Variants in ZMYND11 observed in about 807,000 individuals in gnomAD.
ZMYND11 encodes zinc finger MYND domain-containing protein 11.
ZMYND11 carries 9 observed loss-of-function variants against 84.9 expected under a neutral mutation model. The observed-to-expected ratio is 0.11, with a 90% CI of 0.06 to 0.18. The LOEUF is 0.18. ZMYND11 is among the 10% of genes least tolerant of loss of function. The pLI is 1.00. For synonymous variants in ZMYND11, 250 were observed against 244.1 expected (o/e 1.02, Z -0.23); for missense variants, 409 against 761.0 (o/e 0.54, Z 5.44).
At chr10:245,517 A>C (rs141196349) in intron 10 of ZMYND11, among the ~76,000 whole-genome samples, 67 of 152,324 alleles carry the variant, frequency 4.4e-4, no homozygotes, top group African/African-American at 1.6e-3. Flanking sequence ...CAGAAAACTG[A>C]AAAGCATAAA....
At chr10:152,928 C>G (rs1165378706) in intron 1 of ZMYND11, among the ~76,000 whole-genome samples, 1 of 152,234 alleles carries the variant, frequency 6.6e-6, no homozygotes, top group African/African-American at 2.4e-5. Context: ...CGCTCAACTA[C>G]ATGGAAACTG....
At chr10:158,834 C>G (rs564672487) in intron 1 of ZMYND11, among the ~76,000 whole-genome samples, 1 of 152,098 alleles carries the variant, frequency 6.6e-6, no homozygotes, top group Admixed American at 6.5e-5. Context: ...TATGTACTTA[C>G]TGGCCTGGCC....
chr10:161,679 C>T (rs1478984550), intron 1 of ZMYND11, among the ~76,000 whole-genome samples: 4 of 152,190 alleles, frequency 2.6e-5, no homozygotes, highest in Non-Finnish European at 5.9e-5. Context: ...CAGCTTTTTT[C>T]CTCATGAATA....
Position 173,357 on chromosome 10 carries a change from G to T in ZMYND11, c.-19-6637G>T, listed in dbSNP as rs191219986. ...CAAGAAATTGTGATGACAGGCTACA[G>T]ACTGGGAGAAAATATTTGCAAAAGA... On this transcript the variant is annotated intron_variant, in intron 1 of 14. Transcript: ENST00000381604. Among the ~76,000 whole-genome samples, 5 of 152,292 alleles carry T rather than the reference G, an allele frequency of 3.3e-5. No homozygotes were observed. In the East Asian group the frequency reaches 9.6e-4, roughly 29 times the overall value.
chr10:242,528 C>A (rs1951209381), intron 10 of ZMYND11, among the ~76,000 whole-genome samples: 1 of 152,164 alleles, frequency 6.6e-6, no homozygotes. Context: ...CTAAAATCGT[C>A]AATCTTGTGA....
Position 193,946 on chromosome 10 carries a change from A to G in ZMYND11, c.116+13818A>G, listed in dbSNP as rs192871929. Among the ~76,000 whole-genome samples the G allele has an allele frequency of 3.9e-3, 598 of 152,298 alleles. 1 individual carries two copies. Among genetic ancestry groups the G allele is most frequent in the Non-Finnish European group, 6.8e-3 (462 of 68,022 alleles). On this transcript the variant is annotated intron_variant, in intron 2 of 14. Coordinates refer to ENST00000381604, the MANE Select transcript of ZMYND11 (RefSeq NM_001370100.5). ...ATTTCATTGTGTGGATATACCACAA[A>G]TTAAAAAATTCATTAATCTACTGGA...
intron 4 of ZMYND11, 146 bp downstream of exon 4, chr10:221,502 A>C: frequency 1.3e-6 from 1 of 764,548 alleles, no homozygotes; most frequent in East Asian, 2.7e-5. Context: ...TGATACTCAT[A>C]AATGGACATC....
chr10:214,572 A>T (rs1945829267), intron 3 of ZMYND11, among the ~76,000 whole-genome samples: 1 of 152,250 alleles, frequency 6.6e-6, no homozygotes, highest in African/African-American at 2.4e-5. Flanking sequence ...AGGTATTTTC[A>T]TAAGCTTTTA....
At position 152,820 on chromosome 10, in the gene ZMYND11, C is replaced by T. The variant is rs571899170; in HGVS notation, c.-20+17261C>T. 8.5e-5 allele frequency among the ~76,000 whole-genome samples: 13 copies of T among 152,326 alleles called. No individual in the cohort carries two copies. The South Asian group carries it at 1.2e-3, about 15-fold the overall frequency. On this transcript the variant is annotated intron_variant, in intron 1 of 14. Transcript: ENST00000381604. ...TGACCACATAGTTGGAAGTAAAGCA[C>T]TCCTCAGCAAATGTAAAAGAACAGA...
intron 3 of ZMYND11, among the ~76,000 whole-genome samples, chr10:216,174 A>G (rs571130751): frequency 1.3e-5 from 2 of 152,290 alleles, no homozygotes; most frequent in African/African-American, 2.4e-5. Flanking sequence ...TTTATTCTTC[A>G]GAACTACCAC....
chr10:224,463 G>A (rs1362974685), intron 4 of ZMYND11, among the ~76,000 whole-genome samples: 1 of 152,088 alleles, frequency 6.6e-6, no homozygotes, highest in Non-Finnish European at 1.5e-5. Context: ...ATTTTACTTT[G>A]AGAAAGATTT....
upstream of ZMYND11, among the ~76,000 whole-genome samples, chr10:133,226 A>C (rs961950977): frequency 3.3e-5 from 5 of 152,244 alleles, no homozygotes; most frequent in African/African-American, 1.2e-4. Flanking sequence ...CTTTGAAGAA[A>C]AGCAATGTTA....
chr10:194,228 G>A (rs1472937858), intron 2 of ZMYND11, among the ~76,000 whole-genome samples: 5 of 149,294 alleles, frequency 3.3e-5, no homozygotes, highest in African/African-American at 9.9e-5. Flanking sequence ...GGGCTCAGGC[G>A]ATCTACCCAC....
At chr10:218,277 C>T (rs1281250337) in intron 3 of ZMYND11, among the ~76,000 whole-genome samples, 1 of 152,002 alleles carries the variant, frequency 6.6e-6, no homozygotes, top group Non-Finnish European at 1.5e-5. Flanking sequence ...TCTGTCTTTT[C>T]GTTATTAATT....
rs12414497 is a variant in ZMYND11 at position 185,336 on chromosome 10, C to T, written c.116+5208C>T. ...TCAAATTTTGGGATACATAGGAGTT[C>T]GCATGACCTAATTTTGTTGTACTGT... On this transcript the variant is annotated intron_variant, in intron 2 of 14. Transcript: ENST00000381604. Among the ~76,000 whole-genome samples the T allele has an allele frequency of 3.2e-3, 491 of 151,902 alleles. 10 individuals carry two copies. Among genetic ancestry groups the T allele is most frequent in the Admixed American group, 0.028 (433 of 15,254 alleles).
At chr10:189,730 A>G (rs1939810860) in intron 2 of ZMYND11, among the ~76,000 whole-genome samples, 1 of 152,190 alleles carries the variant, frequency 6.6e-6, no homozygotes, top group Non-Finnish European at 1.5e-5. Flanking sequence ...TTGCATGTCT[A>G]TGAAGAAAAA....
At chr10:232,634 G>A (rs1344756600) in intron 4 of ZMYND11, among the ~76,000 whole-genome samples, 1 of 152,122 alleles carries the variant, frequency 6.6e-6, no homozygotes, top group Non-Finnish European at 1.5e-5. Context: ...CATGGTGTCC[G>A]GAATAGATCC....
At chr10:240,212 A>T in intron 8 of ZMYND11, 101 bp downstream of exon 8, 1 of 1,090,096 alleles carries the variant, frequency 9.2e-7, no homozygotes. Context: ...ATTTCCTTTA[A>T]ATGTCTTTTA....
intron 1 of ZMYND11, among the ~76,000 whole-genome samples, chr10:156,620 C>A (rs529349210): frequency 7.9e-5 from 12 of 152,206 alleles, no homozygotes; most frequent in African/African-American, 2.9e-4. Flanking sequence ...AGCTTAAAGG[C>A]CCTTATTAAG....
Sources: gnomAD v4.1 joint callset for allele counts (sites outside exome capture counted in the v4.1 genomes callset) on GRCh38, gnomAD v4.1.1 for gene constraint, MANE v1.5 for transcripts, NCBI Gene and HGNC (gene_info 2026-07-23, HGNC 2026-07-21) for gene names.